Variants in SPATA17 observed in about 807,000 individuals in gnomAD.
SPATA17 encodes the protein spermatogenesis-associated protein 17.
A neutral mutation model predicts 62.2 loss-of-function variants in SPATA17; 53 were observed. The ratio of observed to expected loss-of-function variants is 0.85; its 90% CI spans 0.68 to 1.07. SPATA17 has a LOEUF of 1.07. SPATA17 is among the 50% of genes least tolerant of loss of function. The pLI, the probability that SPATA17 is intolerant of heterozygous loss-of-function variation, is 0.00. For synonymous variants in SPATA17, 146 were observed against 146.8 expected (o/e 0.99, Z 0.04); for missense variants, 466 against 425.5 (o/e 1.10, Z -0.84).
intron 6 of SPATA17, among the ~76,000 whole-genome samples, chr1:217,770,232 CGTG>C (rs1673406717): frequency 6.6e-6 from 1 of 152,094 alleles, no homozygotes; most frequent in African/African-American, 2.4e-5. Flanking sequence ...GTTTCTCTCT[CGTG>C]GTATTCAGAA....
At position 217,744,380 on chromosome 1, in the gene SPATA17, G is replaced by A. The variant is rs1232268030; in HGVS notation, c.519+2282G>A. 3.8e-5 allele frequency among the ~76,000 whole-genome samples: 2 copies of A among 52,424 alleles called. 1 individual carries two copies. Among genetic ancestry groups the A allele is most frequent in the Non-Finnish European group, 1.2e-4 (2 of 16,388 alleles). The allele number at this position is 52,424 out of a possible 152,430, so 34.4% of individuals were successfully genotyped here. On this transcript the variant is annotated intron_variant, in intron 6 of 10. Transcript: ENST00000366933. Reference sequence around the variant, plus strand: ...TGGGAGGCTGAGGCAGGAGAATGGCGTGAACCCGGGAGGCGGAGCTTGCAG... The same window carrying A: ...TGGGAGGCTGAGGCAGGAGAATGGCATGAACCCGGGAGGCGGAGCTTGCAG...
chr1:217,784,120 T>A (rs1673798431), intron 8 of SPATA17, among the ~76,000 whole-genome samples: 1 of 152,286 alleles, frequency 6.6e-6, no homozygotes, highest in East Asian at 1.9e-4. Context: ...TGAACCATTT[T>A]GCTTTTTGTA....
chr1:217,786,750 T>TTTCTTATTCTTCTTCTTCTTC (rs1673874181), intron 8 of SPATA17, among the ~76,000 whole-genome samples: 1 of 107,436 alleles, frequency 9.3e-6, no homozygotes, highest in Admixed American at 1.0e-4. Context: ...TGATATTCTC[T>TTTCTTATTCTTCTTCTTCTTC]TTCTTCTTCT....
intron 5 of SPATA17, among the ~76,000 whole-genome samples, chr1:217,702,945 C>T (rs1041765521): frequency 1.3e-5 from 2 of 149,770 alleles, no homozygotes; most frequent in East Asian, 4.0e-4. Flanking sequence ...GGCGACATCT[C>T]GGCTCACTAC....
At chr1:217,744,867 C>T (rs72728818) in intron 6 of SPATA17, among the ~76,000 whole-genome samples, 69,737 of 151,920 alleles carry the variant, frequency 0.46, 17,505 homozygotes, top group Non-Finnish European at 0.58. Flanking sequence ...ATGAAACCCA[C>T]CTTGGAAGAA....
At chr1:217,854,707 A>C (rs1242543007) in intron 9 of SPATA17, among the ~76,000 whole-genome samples, 1 of 152,048 alleles carries the variant, frequency 6.6e-6, no homozygotes, top group Admixed American at 6.6e-5. Context: ...TGGAAAAAAA[A>C]AGTTTTCCAT....
At chr1:217,654,284 C>T (rs927911226) in intron 3 of SPATA17, among the ~76,000 whole-genome samples, 1 of 151,790 alleles carries the variant, frequency 6.6e-6, no homozygotes, top group African/African-American at 2.4e-5. Context: ...ATTACAGGGA[C>T]CTGCCATCAC....
At chr1:217,772,400 T>C (rs1056964982) in intron 6 of SPATA17, among the ~76,000 whole-genome samples, 1 of 152,222 alleles carries the variant, frequency 6.6e-6, no homozygotes, top group African/African-American at 2.4e-5. Flanking sequence ...TTTAAATGTT[T>C]AAATGCATTT....
intron 5 of SPATA17, among the ~76,000 whole-genome samples, chr1:217,684,474 G>A (rs1441749103): frequency 6.6e-6 from 1 of 152,002 alleles, no homozygotes; most frequent in Non-Finnish European, 1.5e-5. Flanking sequence ...GAGTGCAGTG[G>A]CACGATCTCG....
intron 9 of SPATA17, among the ~76,000 whole-genome samples, chr1:217,849,782 A>T (rs1399130465): frequency 2.6e-5 from 4 of 152,082 alleles, no homozygotes; most frequent in Non-Finnish European, 5.9e-5. Context: ...TAGAACCTGG[A>T]GGGAGCTTGG....
chr1:217,789,264 C>CTAA (rs1197508243), intron 8 of SPATA17, among the ~76,000 whole-genome samples: 1 of 152,118 alleles, frequency 6.6e-6, no homozygotes, highest in Non-Finnish European at 1.5e-5. Context: ...CATAGCAGAA[C>CTAA]TAATAACTCT....
At chr1:217,711,615 G>A (rs1468458580) in intron 5 of SPATA17, among the ~76,000 whole-genome samples, 1 of 152,176 alleles carries the variant, frequency 6.6e-6, no homozygotes, top group Non-Finnish European at 1.5e-5. Context: ...GAAATATGCA[G>A]TATATGAAAC....
chr1:217,837,677 C>T (rs1675292791), intron 9 of SPATA17, among the ~76,000 whole-genome samples: 1 of 152,062 alleles, frequency 6.6e-6, no homozygotes, highest in South Asian at 2.1e-4. Context: ...GGTCCTTTAC[C>T]ATCTGCATTT....
chr1:217,782,227 G>A lies in SPATA17; in HGVS notation c.777G>A (p.Glu259=). The change falls in exon 8 of 11, where the codon GAG becomes GAA. Residue 259 remains glutamate, a synonymous_variant. Transcript: ENST00000366933. ...TAGAACAACGCTACAGGCCTTTGGA[G>A]CCAACGTTGCGGGTGGCAGAACCAA... is the stretch of plus-strand genomic sequence containing the variant. ...EVLEQRYRPL[E]PTLRVAEPID... 6.2e-7 allele frequency: 1 copy of A among 1,612,938 alleles called. No homozygotes were observed. The highest frequency in any genetic ancestry group is 8.5e-7 in the Non-Finnish European group (1 of 1,179,334).
chr1:217,850,064 G>A (rs547074113), intron 9 of SPATA17, among the ~76,000 whole-genome samples: 3 of 152,146 alleles, frequency 2.0e-5, no homozygotes, highest in South Asian at 2.1e-4. Flanking sequence ...GTTTACAATT[G>A]TCCACATTTT....
intron 1 of SPATA17, among the ~76,000 whole-genome samples, chr1:217,641,499 C>A (rs1326943394): frequency 6.6e-6 from 1 of 151,670 alleles, no homozygotes; most frequent in African/African-American, 2.4e-5. Context: ...TTAAAATATG[C>A]TTAAGGACTT....
intron 4 of SPATA17, among the ~76,000 whole-genome samples, chr1:217,677,965 CT>C (rs1382334683): frequency 6.6e-6 from 1 of 151,886 alleles, no homozygotes; most frequent in Non-Finnish European, 1.5e-5. Flanking sequence ...GCAATGATAC[CT>C]ACAATGAAAA....
At chr1:217,865,636 C>G (rs958431) in intron 10 of SPATA17, among the ~76,000 whole-genome samples, 36,510 of 152,102 alleles carry the variant, frequency 0.24, 5,245 homozygotes, top group Admixed American at 0.35. Context: ...TTTTGCCATC[C>G]TTTTAGCTCC....
chr1:217,820,177 C>A (rs896921231), intron 9 of SPATA17, among the ~76,000 whole-genome samples: 1 of 151,782 alleles, frequency 6.6e-6, no homozygotes, highest in Non-Finnish European at 1.5e-5. Context: ...GAGATCTGGC[C>A]GGATATAGAA....
Sources: allele counts gnomAD v4.1 joint callset (sites outside exome capture counted in the v4.1 genomes callset), GRCh38; gene constraint gnomAD v4.1.1; transcripts MANE v1.5; gene names NCBI Gene and HGNC (gene_info 2026-07-23, HGNC 2026-07-21).